FGD6: variants seen among roughly 807,000 people sequenced by gnomAD.
FGD6 encodes FYVE, RhoGEF and PH domain containing 6, also known as FYVE, RhoGEF and PH domain-containing protein 6.
Under a neutral mutation model 149.4 loss-of-function variants are expected in FGD6, and 90 were observed. That is an observed-to-expected ratio of 0.60 (90% CI 0.51 to 0.72). The LOEUF is 0.72. FGD6 is among the 30% of genes least tolerant of loss of function. The pLI is 0.00. For synonymous variants in FGD6, 527 were observed against 584.0 expected (o/e 0.90, Z 1.41); for missense variants, 1,437 against 1,684.8 (o/e 0.85, Z 2.57).
chr12:95,082,984 T>TTAAAAAAAA lies in FGD6; in HGVS notation c.4257-1429_4257-1428insTTTTTTTTA, dbSNP rs1386719189. ...CAACATTGCTAGACTCTGTCTCCAT[T>TTAAAAAAAA]AAAAAAAAAAAAAAAAAAAAAAAAA... On this transcript the variant is annotated intron_variant, in intron 20 of 20. Transcript: ENST00000343958. Among the ~76,000 whole-genome samples the TTAAAAAAAA allele has an allele frequency of 8.4e-4, 26 of 31,130 alleles. 1 individual carries two copies. The highest frequency in any genetic ancestry group is 4.5e-3 in the Admixed American group (7 of 1,566). 20.4% of individuals were successfully genotyped at this position (31,130 alleles called of 152,430 possible).
chr12:95,113,488 G>A (rs1349033320), intron 9 of FGD6, among the ~76,000 whole-genome samples, 163 bp downstream of exon 9: 2 of 151,768 alleles, frequency 1.3e-5, no homozygotes, highest in African/African-American at 2.4e-5. Context: ...TACCCGCCTC[G>A]GCCTCCCAAA....
In FGD6 at chr12:95,100,066, C is replaced by A. The variant is rs963069882; in HGVS notation, c.3497+4941G>T. 7.5e-5 allele frequency among the ~76,000 whole-genome samples: 7 copies of A among 92,846 alleles called. No homozygotes were observed. In the East Asian group the frequency reaches 2.4e-3, roughly 32 times the overall value. The allele number at this position is 92,846 out of a possible 152,430, so 60.9% of individuals were successfully genotyped here. On this transcript the variant is annotated intron_variant, in intron 14 of 20. Transcript: ENST00000343958. ...GATAACTTTTCTGATCCCCCCCCCC[C>A]CCACCCCATATAAGTTCTTGACCTC...
intron 8 of FGD6, among the ~76,000 whole-genome samples, chr12:95,120,222 G>A (rs1441542932): frequency 2.7e-5 from 4 of 150,304 alleles, no homozygotes; most frequent in African/African-American, 9.8e-5. Context: ...GAGTGAGTCC[G>A]TCTCAAAAAT....
At chr12:95,139,667 T>C (rs879370313) in intron 6 of FGD6, among the ~76,000 whole-genome samples, 2 of 133,726 alleles carry the variant, frequency 1.5e-5, no homozygotes, top group Non-Finnish European at 3.2e-5. Flanking sequence ...TGACTTTTTT[T>C]TTTTTTTTAA....
At chr12:95,126,200 G>T in intron 8 of FGD6, 1 of 1,173,072 alleles carries the variant, frequency 8.5e-7, no homozygotes, top group Non-Finnish European at 1.3e-6. Flanking sequence ...CTGTTGCTAA[G>T]GGTGCTGCTG....
At position 95,209,481 on chromosome 12, in the gene FGD6, G is replaced by A; in HGVS notation, c.1803C>T (p.Pro601=). The change falls in exon 2 of 21, where the codon CCC becomes CCT. Residue 601 remains proline (P), a synonymous_variant. Transcript: ENST00000343958. ...CCATAGCAGATAACGATTTTGCTCT[G>A]GGCTTGGTTAGGGCTGTTGAAGGCT... is the stretch of plus-strand genomic sequence containing the variant. ...NSEPSTALTK[P]RAKSLSAMDV... is the part of the protein sequence containing the mutation. 1.9e-6 allele frequency: 3 copies of A among 1,612,514 alleles called. No individual in the cohort carries two copies. Among genetic ancestry groups the A allele is most frequent in the Non-Finnish European group, 2.5e-6 (3 of 1,179,480 alleles).
intron 2 of FGD6, among the ~76,000 whole-genome samples, chr12:95,178,013 G>A (rs1881182098): frequency 6.6e-6 from 1 of 151,522 alleles, no homozygotes; most frequent in South Asian, 2.1e-4. Context: ...TGAACCTCCT[G>A]CCTTGGCCTC....
intron 6 of FGD6, among the ~76,000 whole-genome samples, chr12:95,140,964 C>G (rs1298155517): frequency 6.6e-6 from 1 of 152,150 alleles, no homozygotes; most frequent in African/African-American, 2.4e-5. Flanking sequence ...GTGGCTCACA[C>G]CTGTAATCCC....
At chr12:95,188,895 C>T (rs1233628446) in intron 2 of FGD6, among the ~76,000 whole-genome samples, 1 of 151,634 alleles carries the variant, frequency 6.6e-6, no homozygotes, top group Non-Finnish European at 1.5e-5. Flanking sequence ...GCTCTTCCCA[C>T]AAAATGCAAA....
chr12:95,148,649 A>T (rs12829018), intron 5 of FGD6, among the ~76,000 whole-genome samples: 1 of 113,432 alleles, frequency 8.8e-6, no homozygotes, highest in East Asian at 2.4e-4. Flanking sequence ...TATTATATAT[A>T]TTATATATTA....
intron 2 of FGD6, among the ~76,000 whole-genome samples, chr12:95,174,655 GC>G (rs1316838952): frequency 6.6e-6 from 1 of 152,120 alleles, no homozygotes; most frequent in African/African-American, 2.4e-5. Flanking sequence ...TTGGCCAGGC[GC>G]GGTGGCTCAC....
rs2056714853 is a variant in FGD6 at position 95,209,829 on chromosome 12, A to C, written c.1455T>G (p.Val485=). The part of the protein sequence containing the change: ...VSAPQMQKES[V]IKEENSLRIV... ...TTCGTAGAGAATTTTCCTCTTTTAT[A>C]ACAGATTCCTTTTGCATTTGAGGGG... Residue 485 remains valine, a synonymous_variant, in exon 2 of 21, where the codon GTT becomes GTG. Transcript: ENST00000343958. The C allele has an allele frequency of 1.9e-6, 3 of 1,608,458 alleles. No individual in the cohort carries two copies. The highest frequency in any genetic ancestry group is 2.5e-6 in the Non-Finnish European group (3 of 1,178,750).
chr12:95,171,414 A>G (rs1880983670), intron 3 of FGD6, among the ~76,000 whole-genome samples: 1 of 152,184 alleles, frequency 6.6e-6, no homozygotes, highest in Non-Finnish European at 1.5e-5. Flanking sequence ...TTGTTGATGT[A>G]CTAACTTTTT....
At chr12:95,111,276 C>T (rs11107900) in intron 9 of FGD6, among the ~76,000 whole-genome samples, 13,024 of 152,114 alleles carry the variant, frequency 0.086, 613 homozygotes, top group East Asian at 0.15. Context: ...CCACCACGCC[C>T]GGCCACTGCT....
Position 95,082,982 on chromosome 12 carries a change from A to AT in FGD6, c.4257-1427dup, listed in dbSNP as rs1397631281. Among the ~76,000 whole-genome samples, 49 of 71,532 alleles carry AT rather than the reference A, an allele frequency of 6.9e-4. 2 individuals carry two copies. The highest frequency in any genetic ancestry group is 1.1e-3 in the East Asian group (3 of 2,688). The allele number at this position is 71,532 out of a possible 152,430, so 46.9% of individuals were successfully genotyped here. On this transcript the variant is annotated intron_variant, in intron 20 of 20. Coordinates refer to ENST00000343958, the MANE Select transcript of FGD6 (RefSeq NM_018351.4). The stretch of plus-strand genomic sequence containing the variant: ...GGCAACATTGCTAGACTCTGTCTCC[A>AT]TTAAAAAAAAAAAAAAAAAAAAAAA...
chr12:95,196,552 C>T (rs1435007011), intron 2 of FGD6, among the ~76,000 whole-genome samples: 1 of 151,882 alleles, frequency 6.6e-6, no homozygotes, highest in East Asian at 1.9e-4. Context: ...AATATGCTTT[C>T]TATACTATGA....
At chr12:95,104,770 G>A (rs534237862) in intron 14 of FGD6, among the ~76,000 whole-genome samples, 14 of 151,974 alleles carry the variant, frequency 9.2e-5, no homozygotes, top group African/African-American at 2.2e-4. Context: ...AAAGTTAGCC[G>A]GGTATGGTAG....
At chr12:95,126,485 G>A (rs900103130) in intron 8 of FGD6, 10 of 607,240 alleles carry the variant, frequency 1.6e-5, no homozygotes, top group East Asian at 6.8e-5. Flanking sequence ...TCCCAGTACC[G>A]TGGGAGGCTG....
chr12:95,076,852 A>T lies in FGD6; in HGVS notation c.*4668T>A, dbSNP rs1355934393. The T allele has an allele frequency of 6.6e-6, 1 of 152,120 alleles. No individual in the cohort carries two copies. The highest frequency in any genetic ancestry group is 1.5e-5 in the Non-Finnish European group (1 of 68,004). The allele number at this position is 152,120 out of a possible 1,614,324, so 9.4% of individuals were successfully genotyped here. ...TATGGACAAAAAGATACAAACTGTT[A>T]TCATTTTAAGTACAAAGTATTTCTA... On this transcript the variant is annotated 3_prime_UTR_variant, in exon 21 of 21. Coordinates refer to ENST00000343958, the MANE Select transcript of FGD6 (RefSeq NM_018351.4).
Sources: allele counts gnomAD v4.1 joint callset (sites outside exome capture counted in the v4.1 genomes callset), GRCh38; gene constraint gnomAD v4.1.1; transcripts MANE v1.5; gene names NCBI Gene and HGNC (gene_info 2026-07-23, HGNC 2026-07-21).